Variants in PTPRD observed in about 807,000 individuals in gnomAD.
The protein encoded by PTPRD is receptor-type tyrosine-protein phosphatase delta.
PTPRD carries 34 observed loss-of-function variants against 214.5 expected under a neutral mutation model. The observed-to-expected ratio is 0.16, with a 90% CI of 0.12 to 0.21. The LOEUF (loss-of-function observed/expected upper bound fraction) is 0.21, where lower values mean the gene tolerates loss of function less well. Ranked by LOEUF, PTPRD falls within the 10% of genes least tolerant of loss-of-function variation. The pLI is 1.00. For synonymous variants in PTPRD, 1,128 were observed against 845.7 expected (o/e 1.33, Z -5.79); for missense variants, 2,545 against 2,398.7 (o/e 1.06, Z -1.27).
At chr9:9,797,989 A>G (rs960623558) in intron 5 of PTPRD, among the ~76,000 whole-genome samples, 1 of 152,216 alleles carries the variant, frequency 6.6e-6, no homozygotes, top group African/African-American at 2.4e-5. Context: ...GTTCTTGATC[A>G]TATTAGAGAT....
chr9:9,430,392 A>G (rs1402319373), intron 8 of PTPRD, among the ~76,000 whole-genome samples: 15 of 151,110 alleles, frequency 9.9e-5, no homozygotes, highest in Admixed American at 4.0e-4. Context: ...ACTGCTCAAC[A>G]AATTAAAAGA....
At position 8,504,152 on chromosome 9, in the gene PTPRD, GACTA is replaced by G. The variant is rs1051947012; in HGVS notation, c.1822+105_1822+108del. ...GAAGTGTGATGCATACTAACCTAGA[GACTA>G]ACTATTAAGCATATTAGCAGGTTTG... is the stretch of plus-strand genomic sequence containing the variant. On this transcript the variant is annotated intron_variant, in intron 23 of 45. Coordinates refer to ENST00000381196, the MANE Select transcript of PTPRD (RefSeq NM_002839.4). The G allele has an allele frequency of 3.5e-5, 39 of 1,111,154 alleles. No individual in the cohort carries two copies. In the African/African-American group the frequency reaches 5.3e-4, roughly 15 times the overall value. 68.8% of individuals were successfully genotyped at this position (1,111,154 alleles called of 1,614,324 possible). A position where few individuals can be genotyped will look rare whatever the true frequency, so the allele number is the denominator to read the frequency against.
At chr9:10,080,313 C>G (rs2098215103) in intron 3 of PTPRD, among the ~76,000 whole-genome samples, 1 of 152,036 alleles carries the variant, frequency 6.6e-6, no homozygotes, top group Non-Finnish European at 1.5e-5. Flanking sequence ...ACAATTTCAC[C>G]AGAGGACAAA....
intron 4 of PTPRD, among the ~76,000 whole-genome samples, chr9:10,000,564 T>A (rs2096281807): frequency 6.6e-6 from 1 of 152,166 alleles, no homozygotes; most frequent in Non-Finnish European, 1.5e-5. Flanking sequence ...TAGGTTTACT[T>A]CTCTTGAGGG....
At chr9:8,376,224 C>T (rs1283085552) in intron 38 of PTPRD, 134 bp from the exon 39 acceptor site, 3 of 1,053,670 alleles carry the variant, frequency 2.8e-6, no homozygotes, top group Non-Finnish European at 2.7e-6. Flanking sequence ...TGGGAAGACA[C>T]ACTCTTTGGA....
At chr9:10,171,201 T>C (rs551159646) in intron 3 of PTPRD, among the ~76,000 whole-genome samples, 22 of 152,298 alleles carry the variant, frequency 1.4e-4, no homozygotes, top group South Asian at 4.1e-4. Flanking sequence ...ATTTTACCCA[T>C]TGATATGGTT....
In PTPRD at chr9:10,348,711, G is replaced by A. The variant is rs569390081; in HGVS notation, c.-599-7694C>T. Among the ~76,000 whole-genome samples the A allele has an allele frequency of 5.3e-5, 8 of 152,136 alleles. No homozygotes were observed. The South Asian group carries it at 1.2e-3, about 24-fold the overall frequency. ...GTTTTTCTAATAATGTGAGTAAAACGCTATTACGGAACTTCGATATATGTG... is the reference window on the plus strand; with the variant it reads ...GTTTTTCTAATAATGTGAGTAAAACACTATTACGGAACTTCGATATATGTG... On this transcript the variant is annotated intron_variant, in intron 2 of 45. Transcript: ENST00000381196.
intron 3 of PTPRD, among the ~76,000 whole-genome samples, chr9:10,206,848 G>A (rs1368250499): frequency 1.3e-5 from 2 of 152,104 alleles, no homozygotes; most frequent in Admixed American, 6.6e-5. Context: ...AAAAATTGGT[G>A]AGACTGAGTG....
At chr9:8,318,707 T>A (rs371395833) in intron 45 of PTPRD, among the ~76,000 whole-genome samples, 16 of 152,048 alleles carry the variant, frequency 1.1e-4, no homozygotes, top group African/African-American at 3.6e-4. Flanking sequence ...GCTAGTTGTC[T>A]GTTTTAGAGA....
chr9:9,661,606 C>T (rs2096623486), intron 7 of PTPRD, among the ~76,000 whole-genome samples: 1 of 151,832 alleles, frequency 6.6e-6, no homozygotes, highest in African/African-American at 2.4e-5. Context: ...CTTTCCATCA[C>T]TGCAAGCTTC....
intron 3 of PTPRD, among the ~76,000 whole-genome samples, chr9:10,178,390 T>G (rs2099261875): frequency 6.6e-6 from 1 of 151,664 alleles, no homozygotes; most frequent in African/African-American, 2.4e-5. Flanking sequence ...ACAAAGCTTC[T>G]GAGGGATATG....
intron 14 of PTPRD, among the ~76,000 whole-genome samples, chr9:8,580,772 G>A (rs959683983): frequency 9.9e-5 from 15 of 151,992 alleles, no homozygotes; most frequent in Non-Finnish European, 1.8e-4. Context: ...ATGTACTCAC[G>A]CACACATACA....
intron 9 of PTPRD, among the ~76,000 whole-genome samples, chr9:9,210,456 T>C (rs181600833): frequency 6.6e-6 from 1 of 152,342 alleles, no homozygotes; most frequent in Admixed American, 6.5e-5. Context: ...TTAAATAATT[T>C]ATTTTAATGC....
At chr9:9,833,545 G>A (rs956604868) in intron 5 of PTPRD, among the ~76,000 whole-genome samples, 4 of 150,946 alleles carry the variant, frequency 2.6e-5, no homozygotes, top group Admixed American at 2.0e-4. Context: ...CAGGAGACAG[G>A]GTTTTGAGAT....
chr9:8,515,213 C>T (rs866252272), intron 21 of PTPRD, among the ~76,000 whole-genome samples: 7 of 152,136 alleles, frequency 4.6e-5, no homozygotes, highest in South Asian at 2.1e-4. Context: ...TTCTGAATCA[C>T]GTTTTATCCT....
At chr9:9,150,989 G>A (rs79053783) in intron 10 of PTPRD, among the ~76,000 whole-genome samples, 5,124 of 152,232 alleles carry the variant, frequency 0.034, 303 homozygotes, top group African/African-American at 0.12. Flanking sequence ...ACACAAGATC[G>A]TGGGAGTCCA....
intron 10 of PTPRD, among the ~76,000 whole-genome samples, chr9:9,159,799 T>G (rs1187262723): frequency 6.6e-6 from 1 of 152,150 alleles, no homozygotes; most frequent in Non-Finnish European, 1.5e-5. Context: ...CGCTTCATGA[T>G]TTCAAAATAC....
chr9:9,814,565 A>G (rs2153554237), intron 5 of PTPRD, among the ~76,000 whole-genome samples: 1 of 152,246 alleles, frequency 6.6e-6, no homozygotes, highest in East Asian at 1.9e-4. Flanking sequence ...AATACTTATG[A>G]ATAAATTTAA....
intron 8 of PTPRD, among the ~76,000 whole-genome samples, chr9:9,479,326 C>T (rs1263430236): frequency 3.2e-5 from 4 of 126,658 alleles, no homozygotes; most frequent in East Asian, 2.5e-4. Flanking sequence ...CTCATGCCTT[C>T]GAGAAAATGT....
Sources: gnomAD v4.1 joint callset for allele counts (sites outside exome capture counted in the v4.1 genomes callset) on GRCh38, gnomAD v4.1.1 for gene constraint, MANE v1.5 for transcripts, NCBI Gene and HGNC (gene_info 2026-07-23, HGNC 2026-07-21) for gene names.